The following ZSCAN18 variants were observed in gnomAD, a reference collection of about 807,000 sequenced individuals.
ZSCAN18 encodes zinc finger and SCAN domain-containing protein 18.
In ZSCAN18, 16 loss-of-function variants were observed where a neutral mutation model predicts 31.1. That is an observed-to-expected ratio of 0.51 (90% CI 0.35 to 0.78). The LOEUF is 0.78. Among genes scored for constraint, ZSCAN18 ranks in the 30% least tolerant of loss-of-function variants. The pLI, the probability that ZSCAN18 is intolerant of heterozygous loss-of-function variation, is 0.01. For missense variants in ZSCAN18, 731 were observed against 697.4 expected (o/e 1.05, Z -0.54); for synonymous variants, 375 against 320.7 (o/e 1.17, Z -1.81).
At chr19:58,108,223 G>C (rs1031296036) in intron 1 of ZSCAN18, 6 of 985,454 alleles carry the variant, frequency 6.1e-6, no homozygotes. Flanking sequence ...AGTTATGTGT[G>C]ATCAATGAAG....
chr19:58,090,219 G>T lies in ZSCAN18; in HGVS notation c.49C>A (p.Pro17Thr). 1 of 1,613,610 alleles carries T rather than the reference G, an allele frequency of 6.2e-7. No individual in the cohort carries two copies. Among genetic ancestry groups the T allele is most frequent in the Non-Finnish European group, 8.5e-7 (1 of 1,180,030 alleles). ...GACCCCGGCGTGGGCAGATCCGGCG[G>T]GGCTGGGGAGCTCCTGGGGGAGGCA... ...AFASPRSSPA[P>T]PDLPTPGSAA... The change falls in exon 2 of 7, where the codon CCG becomes ACG. Residue 17 changes from proline to threonine, a missense_variant. This residue lies in a region of ZSCAN18 where 86 missense variants were observed against 119.1 expected (regional missense o/e 0.72). Transcript: ENST00000601144. This position sits in a 1 kb window ranked among gnomAD's most constrained non-coding sequence, Gnocchi z 4.7.
At chr19:58,109,407 T>C in intron 1 of ZSCAN18, 1 of 1,193,024 alleles carries the variant, frequency 8.4e-7, no homozygotes. Context: ...GTATCTATTA[T>C]ATCTGATGCT....
chr19:58,087,297 C>A lies in ZSCAN18; in HGVS notation c.642+19G>T. The A allele has an allele frequency of 1.3e-6, 2 of 1,589,780 alleles. No homozygotes were observed. Among genetic ancestry groups the A allele is most frequent in the Non-Finnish European group, 1.7e-6 (2 of 1,167,168 alleles). ...AGCTGAGGCCAAGGCCCCTCACCCA[C>A]CTGCTCGTGCCCACCCACCTGCTCG... On this transcript the variant is annotated intron_variant, in intron 4 of 6. Coordinates refer to ENST00000601144, the MANE Select transcript of ZSCAN18 (RefSeq NM_001145543.2).
upstream of ZSCAN18, among the ~76,000 whole-genome samples, chr19:58,099,995 C>CT (rs764003424): frequency 7.0e-6 from 1 of 142,022 alleles, no homozygotes; most frequent in Non-Finnish European, 1.5e-5. Flanking sequence ...AGGTCTCACT[C>CT]TGTCACTGAG....
rs1289673435 is a variant in ZSCAN18, at chr19:58,090,044, C to T, written c.224G>A (p.Arg75His). 2.5e-6 allele frequency: 4 copies of T among 1,613,826 alleles called. No individual in the cohort carries two copies. Among genetic ancestry groups the T allele is most frequent in the Non-Finnish European group, 2.5e-6 (3 of 1,180,034 alleles). The change falls in exon 2 of 7, where the codon CGC becomes CAC. Residue 75 changes from arginine to histidine, a missense_variant. Physicochemically the swap from Arg to His is conservative, Grantham distance 29 (BLOSUM62 0). Coordinates refer to ENST00000601144, the MANE Select transcript of ZSCAN18 (RefSeq NM_001145543.2). The surrounding 1 kb of genome is among the most constrained non-coding windows in gnomAD (Gnocchi z 4.7). ...QTLARLHELC[R>H]QWLMPEARSK... ...GCGCGCCTCAGGCATCAGCCACTGG[C>T]GGCACAGCTCATGCAGCCGGGCCAG...
chr19:58,115,410 A>G (rs577199323), intron 1 of ZSCAN18, among the ~76,000 whole-genome samples: 2 of 152,384 alleles, frequency 1.3e-5, no homozygotes, highest in Non-Finnish European at 2.9e-5. Context: ...AATCTGGAAA[A>G]CATAAATAAG....
At chr19:58,101,918 A>C (rs12982505), upstream of ZSCAN18, among the ~76,000 whole-genome samples, 88,372 of 151,730 alleles carry the variant, frequency 0.58, 26,998 homozygotes, top group Non-Finnish European at 0.68. Context: ...ATTTCACATA[A>C]CTTTTTTCTT....
At chr19:58,098,322 G>C, upstream of ZSCAN18, 2 of 985,480 alleles carry the variant, frequency 2.0e-6, no homozygotes, top group Non-Finnish European at 2.4e-6. Context: ...GGGCGAGCAA[G>C]GGAGCCGTGA....
At chr19:58,111,317 T>C (rs1229151648) in intron 1 of ZSCAN18, among the ~76,000 whole-genome samples, 1 of 152,168 alleles carries the variant, frequency 6.6e-6, no homozygotes, top group Non-Finnish European at 1.5e-5. Flanking sequence ...GTAGCTCTCA[T>C]GGTTGTTTGC....
At chr19:58,111,167 CAA>C (rs11435898) in intron 1 of ZSCAN18, among the ~76,000 whole-genome samples, 1 of 148,308 alleles carries the variant, frequency 6.7e-6, no homozygotes, top group Non-Finnish European at 1.5e-5. Flanking sequence ...GACTCCGTCT[CAA>C]AAAAAAAAAA....
chr19:58,117,816 T>C (rs1300202780), intron 1 of ZSCAN18, among the ~76,000 whole-genome samples: 2 of 144,842 alleles, frequency 1.4e-5, no homozygotes, highest in Non-Finnish European at 3.0e-5. Flanking sequence ...GGAAGAGAAA[T>C]GAGCCCCCGC....
rs756070007 is a variant in ZSCAN18 at position 58,090,470 on chromosome 19, C to T, written c.-119-84G>A. 61 of 1,284,154 alleles carry T rather than the reference C, an allele frequency of 4.8e-5. No homozygotes were observed. The highest frequency in any genetic ancestry group is 6.0e-5 in the Non-Finnish European group (57 of 950,678). 79.5% of individuals were successfully genotyped at this position (1,284,154 alleles called of 1,614,324 possible). On this transcript the variant is annotated intron_variant, in intron 1 of 6. Coordinates refer to ENST00000601144, the MANE Select transcript of ZSCAN18 (RefSeq NM_001145543.2). This position sits in a 1 kb window ranked among gnomAD's most constrained non-coding sequence, Gnocchi z 4.7. Reference sequence around the variant, plus strand: ...GCTGCCAGAGAACAAAGACACCACACCCAGAGTTCACACAGATTTCCAAGA... The same window carrying T: ...GCTGCCAGAGAACAAAGACACCACATCCAGAGTTCACACAGATTTCCAAGA...
chr19:58,088,960 T>C (rs2074344031), intron 2 of ZSCAN18, 123 bp from the exon 3 acceptor site: 4 of 908,052 alleles, frequency 4.4e-6, no homozygotes, highest in African/African-American at 3.3e-5. Context: ...CTGCACCTCA[T>C]CTTGGACCAG....
chr19:58,106,699 G>A lies in ZSCAN18; in HGVS notation c.130+11568C>T, dbSNP rs1169107555. Among the ~76,000 whole-genome samples the A allele has an allele frequency of 7.4e-4, 3 of 4,074 alleles. 1 individual carries two copies. The highest frequency in any genetic ancestry group is 1.5e-3 in the African/African-American group (3 of 2,046). 2.7% of individuals were successfully genotyped at this position (4,074 alleles called of 152,430 possible). ...AGCCTGGGCGACAGAGCGAGACTCC[G>A]TCTCAAAAAAAAAAAAAAAAAAAAA... is the stretch of plus-strand genomic sequence containing the variant. On this transcript the variant is annotated intron_variant, in intron 1 of 1. Transcript: ENST00000595721.
intron 1 of ZSCAN18, among the ~76,000 whole-genome samples, chr19:58,091,754 CG>C (rs1434572556): frequency 6.6e-6 from 1 of 152,176 alleles, no homozygotes; most frequent in Non-Finnish European, 1.5e-5. Context: ...CAGTCGGCCT[CG>C]GGCTCTCATG....
chr19:58,118,071 C>T (rs2074747003), intron 1 of ZSCAN18, among the ~76,000 whole-genome samples: 1 of 152,032 alleles, frequency 6.6e-6, no homozygotes, highest in Admixed American at 6.5e-5. Context: ...CAGCCCCGCA[C>T]GCCAAGGGGA....
chr19:58,101,047 T>C (rs1241312750), upstream of ZSCAN18, among the ~76,000 whole-genome samples: 1 of 152,146 alleles, frequency 6.6e-6, no homozygotes, highest in South Asian at 2.1e-4. Context: ...TCCGTTCCAC[T>C]GATCTATGTG....
upstream of ZSCAN18, chr19:58,098,319 C>A (rs901769561): frequency 2.0e-6 from 2 of 985,500 alleles, no homozygotes; most frequent in South Asian, 4.7e-5. Context: ...CCGGGGCGAG[C>A]AAGGGAGCCG....
chr19:58,108,738 C>T (rs910560026), intron 1 of ZSCAN18: 70 of 985,444 alleles, frequency 7.1e-5, no homozygotes, highest in Non-Finnish European at 8.2e-5. Flanking sequence ...CAAACACCTC[C>T]TCGTGTCCTT....
Sources: gnomAD v4.1 joint callset for allele counts (sites outside exome capture counted in the v4.1 genomes callset) on GRCh38, gnomAD v4.1.1 for gene constraint, gnomAD v4.1.1 regional missense constraint, Gnocchi (gnomAD v3.1) non-coding constraint, MANE v1.5 for transcripts, NCBI Gene and HGNC (gene_info 2026-07-23, HGNC 2026-07-21) for gene names.